MYCBP2: variants seen among roughly 807,000 people sequenced by gnomAD.
MYCBP2 encodes the protein MYC binding protein 2.
MYCBP2 carries 120 observed loss-of-function variants against 525.3 expected under a neutral mutation model. The ratio of observed to expected loss-of-function variants is 0.23; its 90% CI spans 0.20 to 0.27. The LOEUF is 0.27. MYCBP2 is among the 10% of genes least tolerant of loss of function. The pLI is 1.00. For synonymous variants in MYCBP2, 1,894 were observed against 1,955.8 expected (o/e 0.97, Z 0.83); for missense variants, 4,149 against 5,657.1 (o/e 0.73, Z 8.55).
At chr13:77,129,552 T>C (rs946841241) in intron 52 of MYCBP2, 2 of 179,772 alleles carry the variant, frequency 1.1e-5, no homozygotes, top group Middle Eastern at 2.0e-3. Context: ...TGAGGATGTA[T>C]TTGTTCTAAT....
At chr13:77,056,264 T>C (rs866716908) in intron 79 of MYCBP2, among the ~76,000 whole-genome samples, 1 of 152,020 alleles carries the variant, frequency 6.6e-6, no homozygotes, top group Non-Finnish European at 1.5e-5. Flanking sequence ...CACCATATGA[T>C]AGGGGAGAGC....
chr13:77,265,360 TGA>T (rs1383983819), intron 8 of MYCBP2, among the ~76,000 whole-genome samples: 1 of 150,822 alleles, frequency 6.6e-6, no homozygotes, highest in Non-Finnish European at 1.5e-5. Flanking sequence ...AACGCAGGGG[TGA>T]GGAGTGAAGC....
intron 32 of MYCBP2, among the ~76,000 whole-genome samples, chr13:77,183,353 T>C (rs1170828773): frequency 6.6e-6 from 1 of 152,122 alleles, no homozygotes; most frequent in African/African-American, 2.4e-5. Flanking sequence ...AATGACAATA[T>C]TTGGACTTGA....
intron 18 of MYCBP2, among the ~76,000 whole-genome samples, chr13:77,228,875 T>TA (rs1266558909): frequency 6.6e-6 from 1 of 152,188 alleles, no homozygotes; most frequent in Non-Finnish European, 1.5e-5. Context: ...TAAGGGACTC[T>TA]AACTTCTAAT....
rs1291839761 is a variant in MYCBP2 at position 77,093,150 on chromosome 13, A to T, written c.10367+15T>A. 1 of 1,599,218 alleles carries T rather than the reference A, an allele frequency of 6.3e-7. No homozygotes were observed. On this transcript the variant is annotated intron_variant, in intron 59 of 82. Coordinates refer to ENST00000544440, the MANE Select transcript of MYCBP2 (RefSeq NM_015057.5). ...AAACACTAGCTATTCAACAGACAGG[A>T]GAGAACTAAAATACCTTGGTGGCAT...
At position 77,261,492 on chromosome 13, in the gene MYCBP2, C is replaced by A. The variant is rs529843185; in HGVS notation, c.1648-117G>T. On this transcript the variant is annotated intron_variant, in intron 11 of 82. Transcript: ENST00000544440. ...TTGAAAAATAAAATTCACATAAAAA[C>A]AAACTCTTTTTTACACTATTCAGCT... is the stretch of plus-strand genomic sequence containing the variant. The A allele has an allele frequency of 1.2e-5, 10 of 803,880 alleles. No homozygotes were observed. In the East Asian group the frequency reaches 2.5e-4, roughly 20 times the overall value. 49.8% of individuals were successfully genotyped at this position (803,880 alleles called of 1,614,324 possible). A position where few individuals can be genotyped will look rare whatever the true frequency, so the allele number is the denominator to read the frequency against.
Position 77,176,622 on chromosome 13 carries a change from G to T in MYCBP2, c.5347C>A (p.His1783Asn). 2 of 1,523,764 alleles carry T rather than the reference G, an allele frequency of 1.3e-6. No individual in the cohort carries two copies. The highest frequency in any genetic ancestry group is 8.8e-7 in the Non-Finnish European group (1 of 1,131,254). The allele number at this position is 1,523,764 out of a possible 1,614,324, so 94.4% of individuals were successfully genotyped here. A position where few individuals can be genotyped will look rare whatever the true frequency, so the allele number is the denominator to read the frequency against. The change falls in exon 36 of 83, where the codon CAT (histidine) becomes AAT (asparagine). Residue 1783 changes from histidine to asparagine, a missense_variant. Coordinates refer to ENST00000544440, the MANE Select transcript of MYCBP2 (RefSeq NM_015057.5). ...ELEVLVDDSEHAGDSTHSHRW... is the reference protein window; with the variant it reads ...ELEVLVDDSENAGDSTHSHRW... ...TGGGAATGAGTTGAATCTCCTGCAT[G>T]TTCACTCTAAAAAAAAAAAATGAAA...
chr13:77,286,755 C>CAAAAAAAAA (rs869038227), intron 3 of MYCBP2, among the ~76,000 whole-genome samples: 1 of 11,362 alleles, frequency 8.8e-5, no homozygotes, highest in Non-Finnish European at 1.4e-4. Flanking sequence ...GACTCCGTCT[C>CAAAAAAAAA]AAAAAAAAAA....
intron 1 of MYCBP2, among the ~76,000 whole-genome samples, chr13:77,318,917 A>G (rs1415912290): frequency 1.3e-5 from 2 of 152,200 alleles, no homozygotes; most frequent in African/African-American, 2.4e-5. Context: ...CACAACTAGT[A>G]AAAATCCAAC....
At chr13:77,309,959 A>G (rs2079964999) in intron 1 of MYCBP2, among the ~76,000 whole-genome samples, 1 of 152,092 alleles carries the variant, frequency 6.6e-6, no homozygotes, top group Non-Finnish European at 1.5e-5. Flanking sequence ...TAAAAATACA[A>G]AAATTAGCTG....
intron 69 of MYCBP2, among the ~76,000 whole-genome samples, chr13:77,069,683 C>T (rs1177058736): frequency 2.0e-5 from 3 of 146,472 alleles, no homozygotes; most frequent in Non-Finnish European, 4.5e-5. Context: ...GGTGAAACCC[C>T]GTCTGTACTA....
chr13:77,093,123 C>T (rs758363757), intron 59 of MYCBP2, 42 bp downstream of exon 59: 5 of 1,542,064 alleles, frequency 3.2e-6, no homozygotes, highest in Non-Finnish European at 4.4e-6. Flanking sequence ...CTTTCTTCCA[C>T]CAAACACTAG....
In MYCBP2 at chr13:77,168,596, G is replaced by A; in HGVS notation, c.5946C>T (p.Ala1982=). ...GCGGTGCATACTTCTGATTCAAAAT[G>A]GCAACTGACGGAAGCAATTGTTGGA... ...GLVQQLLPSV[A]ILNQKYAPPA... is the part of the protein sequence containing the mutation. Residue 1982 remains alanine (A), a synonymous_variant, in exon 40 of 83, where the codon GCC becomes GCT. Coordinates refer to ENST00000544440, the MANE Select transcript of MYCBP2 (RefSeq NM_015057.5). 2 of 1,614,128 alleles carry A rather than the reference G, an allele frequency of 1.2e-6. No individual in the cohort carries two copies. The highest frequency in any genetic ancestry group is 1.7e-6 in the Non-Finnish European group (2 of 1,180,026).
chr13:77,112,302 A>T (rs923596666), intron 55 of MYCBP2, among the ~76,000 whole-genome samples: 17 of 146,210 alleles, frequency 1.2e-4, no homozygotes, highest in Non-Finnish European at 2.4e-4. Context: ...TATATATATA[A>T]AATATATATT....
intron 82 of MYCBP2, among the ~76,000 whole-genome samples, chr13:77,049,023 T>C (rs1250249297): frequency 6.6e-6 from 1 of 152,256 alleles, no homozygotes; most frequent in East Asian, 1.9e-4. Flanking sequence ...CCAGGTCATA[T>C]GGCTACAACG....
chr13:77,064,653 C>A lies in MYCBP2; in HGVS notation c.12634G>T (p.Glu4212Ter), dbSNP rs1311076971. The stretch of plus-strand genomic sequence containing the variant: ...ATACATCTCACTGGAGACCTAAATT[C>A]TTCTTCCATCTTGGTCAAGGCAATG... ...TIIALTKMEE[E>*]FRSPVRCIAT... Residue 4212 changes from glutamate (E) to a stop codon, truncating the protein, a stop_gained, in exon 73 of 83, where the codon GAA becomes TAA. Coordinates refer to ENST00000544440, the MANE Select transcript of MYCBP2 (RefSeq NM_015057.5). LOFTEE classifies it high-confidence loss of function. 1 of 1,613,564 alleles carries A rather than the reference C, an allele frequency of 6.2e-7. No homozygotes were observed.
chr13:77,290,394 A>G (rs1333436980), intron 2 of MYCBP2, among the ~76,000 whole-genome samples: 2 of 152,252 alleles, frequency 1.3e-5, no homozygotes, highest in African/African-American at 2.4e-5. Context: ...ACTTATGTTC[A>G]CACAAAAACC....
intron 20 of MYCBP2, among the ~76,000 whole-genome samples, chr13:77,219,768 T>G (rs56389916): frequency 0.01 from 1,535 of 152,120 alleles, 15 homozygotes; most frequent in Middle Eastern, 0.027. Context: ...GTTTGAAGAT[T>G]CGAGAAAAGG....
intron 55 of MYCBP2, among the ~76,000 whole-genome samples, chr13:77,105,765 A>G (rs1231421106): frequency 2.0e-5 from 3 of 152,114 alleles, no homozygotes; most frequent in South Asian, 2.1e-4. Flanking sequence ...AGTTTAAGAG[A>G]ATAATATTAA....
Sources: allele counts gnomAD v4.1 joint callset (sites outside exome capture counted in the v4.1 genomes callset), GRCh38; gene constraint gnomAD v4.1.1; transcripts MANE v1.5; gene names NCBI Gene and HGNC (gene_info 2026-07-23, HGNC 2026-07-21).